The following ADAMTS12 variants were observed in gnomAD, a reference collection of about 807,000 sequenced individuals.
ADAMTS12 encodes A disintegrin and metalloproteinase with thrombospondin motifs 12.
A neutral mutation model predicts 167.8 loss-of-function variants in ADAMTS12; 118 were observed. The observed-to-expected ratio is 0.70, with a 90% CI of 0.61 to 0.82. The LOEUF (loss-of-function observed/expected upper bound fraction) is 0.82, where lower values mean the gene tolerates loss of function less well. Ranked by LOEUF, ADAMTS12 falls within the 40% of genes least tolerant of loss-of-function variation. The probability of loss-of-function intolerance (pLI) is 0.00; values close to 1 mark genes in which losing one functional copy is unlikely to be tolerated. For missense variants in ADAMTS12, 1,916 were observed against 1,998.8 expected, an observed-to-expected ratio of 0.96 and a Z score of 0.79; for synonymous variants, 704 against 716.9, an observed-to-expected ratio of 0.98 and a Z score of 0.29.
At chr5:33,723,214 C>G (rs1306125979) in intron 3 of ADAMTS12, among the ~76,000 whole-genome samples, 3 of 152,158 alleles carry the variant, frequency 2.0e-5, no homozygotes, top group Non-Finnish European at 4.4e-5. Flanking sequence ...AATCTCAGGT[C>G]TTGTGTAAAG....
chr5:33,648,954 C>A lies in ADAMTS12; in HGVS notation c.1347G>T (p.Gly449=), dbSNP rs201379219. The A allele has an allele frequency of 2.3e-5, 37 of 1,613,672 alleles. No homozygotes were observed. In the East Asian group the frequency reaches 7.4e-4, roughly 32 times the overall value. The change falls in exon 9 of 24, where the codon GGG becomes GGT. Residue 449 remains glycine, a synonymous_variant. Coordinates refer to ENST00000504830, the MANE Select transcript of ADAMTS12 (RefSeq NM_030955.4). The part of the protein sequence containing the change: ...YITRFLDRGW[G]FCLDDIPKKK... ...TTTTAGGTATGTCATCAAGACAGAACCCCCAGCCTCGGCTGAAAACAAGTT... is the reference window on the plus strand; with the variant it reads ...TTTTAGGTATGTCATCAAGACAGAAACCCCAGCCTCGGCTGAAAACAAGTT...
chr5:33,871,575 T>C (rs1393612679), intron 2 of ADAMTS12, among the ~76,000 whole-genome samples: 2 of 151,878 alleles, frequency 1.3e-5, no homozygotes, highest in African/African-American at 4.8e-5. Flanking sequence ...CAATGCCACC[T>C]TAGGTAACTA....
intron 2 of ADAMTS12, among the ~76,000 whole-genome samples, chr5:33,778,579 G>C (rs1038721452): frequency 6.6e-6 from 1 of 152,090 alleles, no homozygotes; most frequent in Non-Finnish European, 1.5e-5. Flanking sequence ...ACAACTTAGG[G>C]AGAAAACTTA....
At chr5:33,669,707 T>C (rs1741601976) in intron 5 of ADAMTS12, among the ~76,000 whole-genome samples, 2 of 151,076 alleles carry the variant, frequency 1.3e-5, no homozygotes, top group Non-Finnish European at 2.9e-5. Context: ...AAAATTTAAA[T>C]CCAGATAATA....
In ADAMTS12 at chr5:33,614,294, T is replaced by G. The variant is rs758541216; in HGVS notation, c.2471A>C (p.Gln824Pro). The G allele has an allele frequency of 3.5e-5, 56 of 1,614,038 alleles. No individual in the cohort carries two copies. Among genetic ancestry groups the G allele is most frequent in the Non-Finnish European group, 4.5e-5 (53 of 1,180,006 alleles). Residue 824 changes from glutamine to proline, a missense_variant, in exon 16 of 24, where the codon CAG becomes CCG. Gln to Pro is a moderately conservative substitution (Grantham distance 76, BLOSUM62 -1). Coordinates refer to ENST00000504830, the MANE Select transcript of ADAMTS12 (RefSeq NM_030955.4). ...GTGGCCGTACTGCCAGAAGTACATCTGCTGCTCAACATCATTGTCAAGGCC... is the reference window on the plus strand; with the variant it reads ...GTGGCCGTACTGCCAGAAGTACATCGGCTGCTCAACATCATTGTCAAGGCC... ...KDGLDNDVEQ[Q>P]MYFWQYGHWT... is the part of the protein sequence containing the mutation.
At chr5:33,816,949 G>C (rs533925566) in intron 2 of ADAMTS12, among the ~76,000 whole-genome samples, 1 of 152,246 alleles carries the variant, frequency 6.6e-6, no homozygotes, top group East Asian at 1.9e-4. Context: ...ATAAACTATT[G>C]TTTCCCTCAG....
chr5:33,687,311 C>T (rs138581190), intron 3 of ADAMTS12, among the ~76,000 whole-genome samples: 168 of 152,290 alleles, frequency 1.1e-3, no homozygotes, highest in African/African-American at 4.0e-3. Flanking sequence ...CCTCATTTAA[C>T]TTGCCAAAAA....
At position 33,804,182 on chromosome 5, in the gene ADAMTS12, A is replaced by G. The variant is rs561030639; in HGVS notation, c.490-52634T>C. Among the ~76,000 whole-genome samples, 225 of 152,364 alleles carry G rather than the reference A, an allele frequency of 1.5e-3. 1 individual carries two copies. Among genetic ancestry groups the G allele is most frequent in the African/African-American group, 5.2e-3 (218 of 41,590 alleles). Reference sequence around the variant, plus strand: ...AATACATTATCTTCATTCACAGGCCACAGTAGATTAAGTTATTCATATATA... The same window carrying G: ...AATACATTATCTTCATTCACAGGCCGCAGTAGATTAAGTTATTCATATATA... On this transcript the variant is annotated intron_variant, in intron 2 of 23. Coordinates refer to ENST00000504830, the MANE Select transcript of ADAMTS12 (RefSeq NM_030955.4).
At chr5:33,544,541 C>T (rs904438263) in intron 22 of ADAMTS12, among the ~76,000 whole-genome samples, 1 of 152,116 alleles carries the variant, frequency 6.6e-6, no homozygotes, top group Non-Finnish European at 1.5e-5. Flanking sequence ...CAAAAAAGAG[C>T]CTGCAGTGCC....
chr5:33,843,954 T>G (rs1164515727), intron 2 of ADAMTS12, among the ~76,000 whole-genome samples: 1 of 152,236 alleles, frequency 6.6e-6, no homozygotes, highest in Non-Finnish European at 1.5e-5. Context: ...GGCAGAAGAA[T>G]GTGGATTTCA....
intron 2 of ADAMTS12, among the ~76,000 whole-genome samples, chr5:33,769,999 A>G (rs1745680811): frequency 6.6e-6 from 1 of 152,186 alleles, no homozygotes; most frequent in Admixed American, 6.5e-5. Context: ...GCAAATCACA[A>G]TGATGCTGTA....
intron 22 of ADAMTS12, among the ~76,000 whole-genome samples, chr5:33,540,451 G>A (rs1744637455): frequency 6.6e-6 from 1 of 152,236 alleles, no homozygotes; most frequent in Non-Finnish European, 1.5e-5. Flanking sequence ...TCTGAAGAGA[G>A]CAGTGGTTCT....
At chr5:33,673,758 G>C (rs953105100) in intron 5 of ADAMTS12, among the ~76,000 whole-genome samples, 4 of 152,084 alleles carry the variant, frequency 2.6e-5, no homozygotes, top group Admixed American at 2.6e-4. Flanking sequence ...TTATGCTTTA[G>C]CAACAACTGC....
At position 33,596,003 on chromosome 5, in the gene ADAMTS12, G is replaced by A; in HGVS notation, c.2585C>T (p.Thr862Ile). 6.2e-7 allele frequency: 1 copy of A among 1,614,138 alleles called. No individual in the cohort carries two copies. The highest frequency in any genetic ancestry group is 8.5e-7 in the Non-Finnish European group (1 of 1,179,992). Residue 862 changes from threonine to isoleucine, a missense_variant, in exon 17 of 24, where the codon ACA becomes ATA. By Grantham distance (89) the Thr-to-Ile change is moderately conservative. Coordinates refer to ENST00000504830, the MANE Select transcript of ADAMTS12 (RefSeq NM_030955.4). ...IKKGRGMVKA[T>I]FCDPETQPNG... ...GGGCTGTGTTTCTGGGTCACAGAAT[G>A]TAGCTTTCACCATCCCGCGGCCCTT...
intron 13 of ADAMTS12, among the ~76,000 whole-genome samples, chr5:33,629,920 T>A (rs1739843199): frequency 6.6e-6 from 1 of 152,180 alleles, no homozygotes; most frequent in Admixed American, 6.6e-5. Flanking sequence ...CTGTCTGTTA[T>A]TTAGGTTAAC....
intron 20 of ADAMTS12, among the ~76,000 whole-genome samples, chr5:33,557,468 C>G (rs1745536818): frequency 1.3e-5 from 2 of 152,096 alleles, no homozygotes; most frequent in Admixed American, 1.3e-4. Context: ...TCAAATCTTT[C>G]TTAGCACATG....
rs570583783 is a variant in ADAMTS12 at position 33,800,874 on chromosome 5, A to G, written c.490-49326T>C. On this transcript the variant is annotated intron_variant, in intron 2 of 23. Transcript: ENST00000504830. ...ATGTCCTAATCCCTGGATCCTGTGC[A>G]TGTTAACTTATATAACAACCAAAAA... Among the ~76,000 whole-genome samples the G allele has an allele frequency of 9.5e-4, 145 of 152,308 alleles. 1 individual carries two copies. Among genetic ancestry groups the G allele is most frequent in the African/African-American group, 3.4e-3 (143 of 41,564 alleles).
chr5:33,731,472 T>C (rs529712623), intron 3 of ADAMTS12, among the ~76,000 whole-genome samples: 60 of 152,334 alleles, frequency 3.9e-4, no homozygotes, highest in African/African-American at 1.3e-3. Context: ...TGTTCAGGAA[T>C]GGTCTTTATC....
intron 23 of ADAMTS12, 92 bp from the exon 24 acceptor site, chr5:33,527,458 G>A (rs1342937486): frequency 2.5e-5 from 32 of 1,261,962 alleles, no homozygotes; most frequent in Non-Finnish European, 3.0e-5. Context: ...GACTTTATAT[G>A]TCTACCAAGA....
Sources: gnomAD v4.1 joint callset for allele counts (sites outside exome capture counted in the v4.1 genomes callset) on GRCh38, gnomAD v4.1.1 for gene constraint, MANE v1.5 for transcripts, NCBI Gene and HGNC (gene_info 2026-07-23, HGNC 2026-07-21) for gene names.